TAFA4: variants seen among roughly 807,000 people sequenced by gnomAD.
TAFA4 encodes TAFA chemokine like family member 4, also known as chemokine-like protein TAFA-4.
A neutral mutation model predicts 21.1 loss-of-function variants in TAFA4; 20 were observed. The observed-to-expected ratio is 0.95, with a 90% CI of 0.67 to 1.38. The LOEUF is 1.38. TAFA4 is among the 40% of genes most tolerant of loss of function. TAFA4 has a pLI of 0.00. For synonymous variants in TAFA4, 71 were observed against 67.4 expected, an observed-to-expected ratio of 1.05 and a Z score of -0.26; for missense variants, 211 against 180.9, an observed-to-expected ratio of 1.17 and a Z score of -0.95.
intron 3 of TAFA4, among the ~76,000 whole-genome samples, chr3:68,805,646 T>C (rs927411023): frequency 5.9e-5 from 9 of 152,172 alleles, no homozygotes; most frequent in Non-Finnish European, 1.3e-4. Flanking sequence ...TGAGTTCCTG[T>C]CCTTTATAGG....
At chr3:68,928,030 G>A (rs2090125821) in intron 1 of TAFA4, among the ~76,000 whole-genome samples, 1 of 152,006 alleles carries the variant, frequency 6.6e-6, no homozygotes, top group Non-Finnish European at 1.5e-5. Context: ...CTTTCTAAAT[G>A]GTGTCTTGTC....
At chr3:68,813,306 G>T (rs1703883829) in intron 3 of TAFA4, among the ~76,000 whole-genome samples, 1 of 152,044 alleles carries the variant, frequency 6.6e-6, no homozygotes, top group Admixed American at 6.5e-5. Flanking sequence ...CTAGCAGAAG[G>T]CAAGAAATAA....
intron 3 of TAFA4, among the ~76,000 whole-genome samples, chr3:68,836,610 C>T (rs1328994225): frequency 6.6e-6 from 1 of 152,134 alleles, no homozygotes; most frequent in Non-Finnish European, 1.5e-5. Flanking sequence ...TACTACATTC[C>T]AGGAACTCTT....
At chr3:68,763,549 CA>C (rs567721927) in intron 3 of TAFA4, among the ~76,000 whole-genome samples, 11 of 151,956 alleles carry the variant, frequency 7.2e-5, no homozygotes, top group Admixed American at 1.3e-4. Context: ...AAAATCAACA[CA>C]AAAAAATACT....
intron 3 of TAFA4, among the ~76,000 whole-genome samples, chr3:68,823,298 A>G (rs1016345611): frequency 6.6e-6 from 1 of 152,242 alleles, no homozygotes; most frequent in Non-Finnish European, 1.5e-5. Flanking sequence ...ATGCAGTAGT[A>G]TTAGCAGTAC....
Position 68,772,027 on chromosome 3 carries a change from A to ATT in TAFA4, c.131-19011_131-19010dup, listed in dbSNP as rs112999992. 9.9e-3 allele frequency among the ~76,000 whole-genome samples: 1,452 copies of ATT among 146,876 alleles called. 15 individuals carry two copies. The highest frequency in any genetic ancestry group is 0.028 in the Middle Eastern group (8 of 290). On this transcript the variant is annotated intron_variant, in intron 3 of 5. Transcript: ENST00000295569. The stretch of plus-strand genomic sequence containing the variant: ...ATAAGTATAAAAGGGAGGGATGAAG[A>ATT]TTTTTTTTTTAATTCTGTAAGGCTT...
At chr3:68,838,454 C>T (rs1704575441) in intron 3 of TAFA4, among the ~76,000 whole-genome samples, 1 of 152,008 alleles carries the variant, frequency 6.6e-6, no homozygotes, top group Admixed American at 6.6e-5. Flanking sequence ...GAAAAATAAC[C>T]CTTGTAGAAT....
intron 3 of TAFA4, among the ~76,000 whole-genome samples, chr3:68,851,046 T>C (rs1018904507): frequency 2.6e-5 from 4 of 152,212 alleles, no homozygotes; most frequent in African/African-American, 9.7e-5. Context: ...TGTACCCATA[T>C]GTTCACTGCA....
intron 3 of TAFA4, among the ~76,000 whole-genome samples, chr3:68,870,875 G>A (rs930848267): frequency 2.6e-5 from 4 of 152,042 alleles, no homozygotes; most frequent in Non-Finnish European, 5.9e-5. Flanking sequence ...GAGAATGATG[G>A]TTTCCAGCTT....
In TAFA4 at chr3:68,740,607, T is replaced by C. The variant is rs545955433; in HGVS notation, c.287-1408A>G. Among the ~76,000 whole-genome samples the C allele has an allele frequency of 3.3e-5, 5 of 152,314 alleles. No individual in the cohort carries two copies. The East Asian group carries it at 9.6e-4, about 29-fold the overall frequency. ...TTGGATCTTAACTCCTTATCAGATA[T>C]ATGGCTTGCAAATATTTTCTACCAT... On this transcript the variant is annotated intron_variant, in intron 4 of 5. Transcript: ENST00000295569.
intron 3 of TAFA4, among the ~76,000 whole-genome samples, chr3:68,760,157 TAA>T (rs1379397293): frequency 6.6e-6 from 1 of 152,212 alleles, no homozygotes; most frequent in Non-Finnish European, 1.5e-5. Flanking sequence ...TAGACACCAT[TAA>T]AAGTGTTATG....
At chr3:68,887,449 C>T (rs1163096428) in intron 1 of TAFA4, among the ~76,000 whole-genome samples, 4 of 152,062 alleles carry the variant, frequency 2.6e-5, no homozygotes, top group Non-Finnish European at 4.4e-5. Context: ...CTCTACATTT[C>T]GGGAGTCTCT....
intron 3 of TAFA4, among the ~76,000 whole-genome samples, chr3:68,758,791 A>G (rs1259013765): frequency 6.6e-6 from 1 of 152,238 alleles, no homozygotes; most frequent in Non-Finnish European, 1.5e-5. Flanking sequence ...TGAATGGCGC[A>G]TAGAAATTGC....
intron 3 of TAFA4, among the ~76,000 whole-genome samples, chr3:68,754,907 C>T (rs1702631734): frequency 6.6e-6 from 1 of 152,162 alleles, no homozygotes; most frequent in South Asian, 2.1e-4. Flanking sequence ...ACTTACTAAC[C>T]TTCTGACCCT....
At chr3:68,881,896 C>T (rs1409983456) in intron 2 of TAFA4, among the ~76,000 whole-genome samples, 1 of 152,216 alleles carries the variant, frequency 6.6e-6, no homozygotes, top group African/African-American at 2.4e-5. Flanking sequence ...TCCCAGTCCC[C>T]TACTCCACGA....
chr3:68,735,005 T>C (rs1414905014), intron 5 of TAFA4, among the ~76,000 whole-genome samples: 1 of 152,114 alleles, frequency 6.6e-6, no homozygotes, highest in Non-Finnish European at 1.5e-5. Context: ...TGATTACATG[T>C]GGAAGATTCA....
chr3:68,772,764 G>A (rs1702982051), intron 3 of TAFA4, among the ~76,000 whole-genome samples: 1 of 152,164 alleles, frequency 6.6e-6, no homozygotes, highest in Non-Finnish European at 1.5e-5. Flanking sequence ...AGGGTTTCCA[G>A]CTTGCAGACT....
chr3:68,814,426 T>C (rs1247652447), intron 3 of TAFA4, among the ~76,000 whole-genome samples: 3 of 152,168 alleles, frequency 2.0e-5, no homozygotes, highest in Admixed American at 2.0e-4. Context: ...CGCCATTGTC[T>C]CAGCCCAAAA....
chr3:68,796,851 T>C (rs972108750), intron 3 of TAFA4, among the ~76,000 whole-genome samples: 17 of 152,096 alleles, frequency 1.1e-4, no homozygotes, highest in Non-Finnish European at 2.4e-4. Context: ...TCTCCAAATA[T>C]ATACAAGTGG....
Sources: allele counts gnomAD v4.1 joint callset (sites outside exome capture counted in the v4.1 genomes callset), GRCh38; gene constraint gnomAD v4.1.1; transcripts MANE v1.5; gene names NCBI Gene and HGNC (gene_info 2026-07-23, HGNC 2026-07-21).